Variants in FHL3 observed in about 807,000 individuals in gnomAD.
FHL3 encodes the protein four and a half LIM domains 3, also known as four and a half LIM domains protein 3.
Under a neutral mutation model 34.3 loss-of-function variants are expected in FHL3, and 21 were observed. That is an observed-to-expected ratio of 0.61 (90% CI 0.43 to 0.88). The LOEUF (loss-of-function observed/expected upper bound fraction) is 0.88. Among genes scored for constraint, FHL3 ranks in the 40% least tolerant of loss-of-function variants. The pLI, the probability that FHL3 is intolerant of heterozygous loss-of-function variation, is 0.00. For missense variants in FHL3, 333 were observed against 373.7 expected, an observed-to-expected ratio of 0.89 and a Z score of 0.90; for synonymous variants, 137 against 144.6, an observed-to-expected ratio of 0.95 and a Z score of 0.38.
intron 1 of FHL3, among the ~76,000 whole-genome samples, chr1:38,002,130 G>T (rs1014454184): frequency 1.1e-4 from 16 of 148,546 alleles, no homozygotes; most frequent in Non-Finnish European, 1.5e-5. Flanking sequence ...ACAGAGTCTC[G>T]CTCTGTCGCC....
chr1:38,000,344 C>T (rs1646581399), intron 1 of FHL3, among the ~76,000 whole-genome samples: 1 of 152,204 alleles, frequency 6.6e-6, no homozygotes, highest in Non-Finnish European at 1.5e-5. Context: ...CTCCTGCTAA[C>T]ATCTGGCAAA....
intron 1 of FHL3, among the ~76,000 whole-genome samples, chr1:38,000,640 C>A (rs932890437): frequency 7.9e-5 from 12 of 152,136 alleles, no homozygotes; most frequent in African/African-American, 2.4e-4. Context: ...GGGATGAGGT[C>A]ATCCACACAG....
At position 37,999,367 on chromosome 1, in the gene FHL3, C is replaced by T. The variant is rs1480921171; in HGVS notation, c.46G>A (p.Gly16Arg). The stretch of plus-strand genomic sequence containing the variant: ...CTGTCTGTCTGGATGTACTTGCGTC[C>T]ATACAGGGACTCGTTGCATTTTGCA... ...DCAKCNESLY[G>R]RKYIQTDSGP... is the part of the protein sequence containing the mutation. Residue 16 changes from glycine (G) to arginine (R), a missense_variant, in exon 2 of 6, where the codon GGA (glycine) becomes AGA (arginine). Gly to Arg is a moderately radical substitution (Grantham distance 125). Transcript: ENST00000373016. 6.2e-6 allele frequency: 10 copies of T among 1,614,124 alleles called. No homozygotes were observed. Among genetic ancestry groups the T allele is most frequent in the Non-Finnish European group, 7.6e-6 (9 of 1,180,052 alleles).
At chr1:37,999,792 G>A (rs563356365) in intron 1 of FHL3, among the ~76,000 whole-genome samples, 41 of 152,292 alleles carry the variant, frequency 2.7e-4, no homozygotes, top group South Asian at 2.1e-3. Context: ...GGAGAAGCAG[G>A]GGCAGGGAGC....
chr1:38,002,459 C>G (rs1159519527), intron 1 of FHL3, among the ~76,000 whole-genome samples: 1 of 151,838 alleles, frequency 6.6e-6, no homozygotes, highest in Non-Finnish European at 1.5e-5. Context: ...GTCTCAAACT[C>G]CTGGGCTCAA....
At position 37,999,437 on chromosome 1, in the gene FHL3, T is replaced by A; in HGVS notation, c.-20-5A>T. The A allele has an allele frequency of 3.1e-6, 5 of 1,612,966 alleles. No individual in the cohort carries two copies. The highest frequency in any genetic ancestry group is 4.2e-6 in the Non-Finnish European group (5 of 1,179,614). ...TGGTGGCAAGGGGAGAGAACCCTGT[T>A]AGGAGCACAAGGTGGAACTGGGGTC... On this transcript the variant is annotated splice_region_variant and splice_polypyrimidine_tract_variant and intron_variant, in intron 1 of 5. Transcript: ENST00000373016.
chr1:38,001,811 T>TG (rs1646598574), intron 1 of FHL3, among the ~76,000 whole-genome samples: 1 of 152,182 alleles, frequency 6.6e-6, no homozygotes, highest in South Asian at 2.1e-4. Context: ...CTATGGTGTA[T>TG]GGAGCAGCTC....
chr1:37,999,407 G>A lies in FHL3; in HGVS notation c.6C>T (p.Ser2=), dbSNP rs924456760. M[S]ESFDCAKCNE... ...TGCATTTTGCACAGTCAAATGACTC[G>A]CTCATGGTGGCAAGGGGAGAGAACC... is the stretch of plus-strand genomic sequence containing the variant. The change falls in exon 2 of 6, where the codon AGC becomes AGT. Residue 2 remains serine (S), a synonymous_variant. Coordinates refer to ENST00000373016, the MANE Select transcript of FHL3 (RefSeq NM_004468.5). 6 of 1,614,016 alleles carry A rather than the reference G, an allele frequency of 3.7e-6. No individual in the cohort carries two copies. Among genetic ancestry groups the A allele is most frequent in the Admixed American group, 3.3e-5 (2 of 60,004 alleles).
At chr1:38,003,992 C>G (rs1180526872) in intron 1 of FHL3, among the ~76,000 whole-genome samples, 1 of 152,018 alleles carries the variant, frequency 6.6e-6, no homozygotes, top group Non-Finnish European at 1.5e-5. Context: ...AGGACCCTGG[C>G]CAGGTCCCAC....
In FHL3 at chr1:37,996,989, G is replaced by C. The variant is rs1284291081; in HGVS notation, c.*416C>G. ...ATGGGGTGGGGCAGGTCAAGCCTGAGAACAGTCCACTTTCAAGGACTTCCC... is the reference window on the plus strand; with the variant it reads ...ATGGGGTGGGGCAGGTCAAGCCTGACAACAGTCCACTTTCAAGGACTTCCC... On this transcript the variant is annotated 3_prime_UTR_variant, in exon 6 of 6. Transcript: ENST00000373016. 1 of 167,352 alleles carries C rather than the reference G, an allele frequency of 6.0e-6. No homozygotes were observed. The highest frequency in any genetic ancestry group is 1.3e-5 in the Non-Finnish European group (1 of 77,144). 10.4% of individuals were successfully genotyped at this position (167,352 alleles called of 1,614,324 possible).
In FHL3 at chr1:37,999,168, G is replaced by A. The variant is rs779098002; in HGVS notation, c.157-20C>T. On this transcript the variant is annotated intron_variant, in intron 2 of 5. Transcript: ENST00000373016. ...CAGCTCCTGTGGGGAACACAGCAGGGGCACTGGCACCCAGGCCTCATGGAC... is the reference window on the plus strand; with the variant it reads ...CAGCTCCTGTGGGGAACACAGCAGGAGCACTGGCACCCAGGCCTCATGGAC... 1.2e-6 allele frequency: 2 copies of A among 1,614,042 alleles called. No homozygotes were observed. The highest frequency in any genetic ancestry group is 1.7e-5 in the Admixed American group (1 of 60,026).
At position 37,999,070 on chromosome 1, in the gene FHL3, GT is replaced by G. The variant is rs1381570955; in HGVS notation, c.234del (p.Glu78AspfsTer92). The stretch of plus-strand genomic sequence containing the variant: ...AGCTCACTGTCCTGGCAGGTGAAGG[GT>G]TCATCGGCTAGTGAGCGCTGGCAGC... Reference protein sequence around the residue: ...CCRCQRSLADEPFTCQDSELL... With the variant: ...CCRCQRSLADXPFTCQDSELL... On this transcript the variant is annotated frameshift_variant, in exon 3 of 6. Coordinates refer to ENST00000373016, the MANE Select transcript of FHL3 (RefSeq NM_004468.5). LOFTEE classifies it high-confidence loss of function. 2.5e-6 allele frequency: 4 copies of G among 1,614,252 alleles called. No homozygotes were observed. The highest frequency in any genetic ancestry group is 3.4e-6 in the Non-Finnish European group (4 of 1,180,052).
In FHL3 at chr1:37,999,112, A is replaced by C. The variant is rs1486216511; in HGVS notation, c.193T>G (p.Cys65Gly). 6.2e-7 allele frequency: 1 copy of C among 1,614,098 alleles called. No individual in the cohort carries two copies. The highest frequency in any genetic ancestry group is 2.2e-5 in the East Asian group (1 of 44,900). Residue 65 changes from cysteine to glycine, a missense_variant, in exon 3 of 6, where the codon TGC (cysteine) becomes GGC (glycine). Cys to Gly is a radical substitution (Grantham distance 159). Transcript: ENST00000373016. The part of the protein sequence containing the change: ...FYEDRHFHEG[C>G]FRCCRCQRSL... ...CGCTGGCAGCGGCAGCAGCGGAAGCAGCCCTCGTGGAAATGGCGGTCTTCA... is the reference window on the plus strand; with the variant it reads ...CGCTGGCAGCGGCAGCAGCGGAAGCCGCCCTCGTGGAAATGGCGGTCTTCA...
In FHL3 at chr1:37,997,942, C is replaced by T. The variant is rs769779355; in HGVS notation, c.501+21G>A. Reference sequence around the variant, plus strand: ...CCACAACAGGCCTCACTCACCCCCACCTGGCTGGCCCAGCCCCCACCTTGC... The same window carrying T: ...CCACAACAGGCCTCACTCACCCCCATCTGGCTGGCCCAGCCCCCACCTTGC... On this transcript the variant is annotated intron_variant, in intron 4 of 5. Transcript: ENST00000373016. This position sits in a 1 kb window ranked among gnomAD's most constrained non-coding sequence, Gnocchi z 4.3. 3.1e-6 allele frequency: 5 copies of T among 1,613,914 alleles called. No individual in the cohort carries two copies. The highest frequency in any genetic ancestry group is 4.2e-6 in the Non-Finnish European group (5 of 1,179,942).
chr1:37,997,095 G>A lies in FHL3; in HGVS notation c.*310C>T. The A allele has an allele frequency of 3.4e-6, 1 of 293,524 alleles. No homozygotes were observed. The highest frequency in any genetic ancestry group is 5.7e-5 in the South Asian group (1 of 17,586). The allele number at this position is 293,524 out of a possible 1,614,324, so 18.2% of individuals were successfully genotyped here. A position where few individuals can be genotyped will look rare whatever the true frequency, so the allele number is the denominator to read the frequency against. On this transcript the variant is annotated 3_prime_UTR_variant, in exon 6 of 6. Coordinates refer to ENST00000373016, the MANE Select transcript of FHL3 (RefSeq NM_004468.5). The surrounding 1 kb of genome is among the most constrained non-coding windows in gnomAD (Gnocchi z 4.3). ...TAAGTCCCAGAGTCCAGGTTTGGAGGGCTCGGGTCTAGAGCCCTGATTTGG... is the reference window on the plus strand; with the variant it reads ...TAAGTCCCAGAGTCCAGGTTTGGAGAGCTCGGGTCTAGAGCCCTGATTTGG...
At position 37,997,585 on chromosome 1, in the gene FHL3, T is replaced by G. The variant is rs751166216; in HGVS notation, c.689-26A>C. The G allele has an allele frequency of 5.6e-6, 9 of 1,613,496 alleles. No homozygotes were observed. The highest frequency in any genetic ancestry group is 1.7e-4 in the Middle Eastern group (1 of 6,058). The stretch of plus-strand genomic sequence containing the variant: ...CTGGAGGGAGGCTGGAAGTTAGCTA[T>G]GCAGATGTGGGGATGGTCCGGCCCT... On this transcript the variant is annotated intron_variant, in intron 5 of 5. Coordinates refer to ENST00000373016, the MANE Select transcript of FHL3 (RefSeq NM_004468.5). This position sits in a 1 kb window ranked among gnomAD's most constrained non-coding sequence, Gnocchi z 4.3.
intron 1 of FHL3, among the ~76,000 whole-genome samples, chr1:38,002,054 A>T (rs1646600741): frequency 6.6e-6 from 1 of 152,050 alleles, no homozygotes; most frequent in Admixed American, 6.5e-5. Context: ...TACTGGGGCC[A>T]GATAGCAGTT....
At position 37,997,548 on chromosome 1, in the gene FHL3, C is replaced by T. The variant is rs1646547184; in HGVS notation, c.700G>A (p.Gly234Ser). The change falls in exon 6 of 6, where the codon GGC becomes AGC. Residue 234 changes from glycine (G) to serine (S), a missense_variant. Coordinates refer to ENST00000373016, the MANE Select transcript of FHL3 (RefSeq NM_004468.5). The surrounding 1 kb of genome is among the most constrained non-coding windows in gnomAD (Gnocchi z 4.3). ...CKRPIVGLGG[G>S]KYVSFEDRHW... ...CGGTCTTCAAAGGACACATACTTGC[C>T]TCCACCGAGTCCTGGAGGGAGGCTG... The T allele has an allele frequency of 1.2e-6, 2 of 1,613,702 alleles. No homozygotes were observed. Among genetic ancestry groups the T allele is most frequent in the Non-Finnish European group, 1.7e-6 (2 of 1,179,838 alleles).
At chr1:38,002,224 G>A (rs58752380) in intron 1 of FHL3, among the ~76,000 whole-genome samples, 3 of 149,590 alleles carry the variant, frequency 2.0e-5, no homozygotes, top group African/African-American at 4.9e-5. Flanking sequence ...TCAGCCTCCC[G>A]AGTAGCTGGG....
Sources: allele counts gnomAD v4.1 joint callset (sites outside exome capture counted in the v4.1 genomes callset), GRCh38; gene constraint gnomAD v4.1.1; non-coding constraint Gnocchi (gnomAD v3.1); transcripts MANE v1.5; gene names NCBI Gene and HGNC (gene_info 2026-07-23, HGNC 2026-07-21).